Variants in NEGR1 observed in about 807,000 individuals in gnomAD.
The protein encoded by NEGR1 is IgLON family member 4.
In NEGR1, 10 loss-of-function variants were observed where a neutral mutation model predicts 40.9. The ratio of observed to expected loss-of-function variants is 0.24; its 90% confidence interval spans 0.15 to 0.42. The LOEUF (loss-of-function observed/expected upper bound fraction) is 0.42. Ranked by LOEUF, NEGR1 falls within the 10% of genes least tolerant of loss-of-function variation. The probability of loss-of-function intolerance (pLI) is 1.00; values close to 1 mark genes in which losing one functional copy is unlikely to be tolerated. For missense variants in NEGR1, 352 were observed against 438.9 expected (o/e 0.80, Z 1.77); for synonymous variants, 185 against 166.8 (o/e 1.11, Z -0.84).
At chr1:72,149,879 C>CAAAAAAAAAAAAAAAAAAAAAAAAAAA (rs1180110033) in intron 1 of NEGR1, among the ~76,000 whole-genome samples, 2 of 39,364 alleles carry the variant, frequency 5.1e-5, no homozygotes, top group Non-Finnish European at 1.0e-4. Flanking sequence ...AAAACTCTGT[C>CAAAAAAAAAAAAAAAAAAAAAAAAAAA]AAAAAAAAAA....
At chr1:71,557,091 C>G (rs888651091) in intron 6 of NEGR1, among the ~76,000 whole-genome samples, 4 of 151,616 alleles carry the variant, frequency 2.6e-5, no homozygotes, top group African/African-American at 9.7e-5. Flanking sequence ...CCCACTACAG[C>G]CACCCAAATA....
intron 1 of NEGR1, among the ~76,000 whole-genome samples, chr1:72,129,516 C>G (rs1157003592): frequency 1.3e-5 from 2 of 151,868 alleles, no homozygotes; most frequent in East Asian, 3.9e-4. Flanking sequence ...GAGAGTAGAA[C>G]AAAATATGAA....
intron 1 of NEGR1, among the ~76,000 whole-genome samples, chr1:72,066,664 T>G (rs1647280549): frequency 6.6e-6 from 1 of 152,098 alleles, no homozygotes; most frequent in African/African-American, 2.4e-5. Flanking sequence ...AAAGGCCCTG[T>G]GAGGACATAA....
At position 71,988,923 on chromosome 1, in the gene NEGR1, T is replaced by TAAAAAAAAAAAAAAAAAAAAAA. The variant is rs10604833; in HGVS notation, c.177-53634_177-53613dup. 2.9e-4 allele frequency among the ~76,000 whole-genome samples: 24 copies of TAAAAAAAAAAAAAAAAAAAAAA among 82,230 alleles called. 2 individuals are homozygous for TAAAAAAAAAAAAAAAAAAAAAA. The highest frequency in any genetic ancestry group is 1.4e-3 in the African/African-American group (24 of 17,436). The allele number at this position is 82,230 out of a possible 152,430, so 53.9% of individuals were successfully genotyped here. A position where few individuals can be genotyped will look rare whatever the true frequency, so the allele number is the denominator to read the frequency against. ...CAATGAGCTCTATCATATTGGATGTTAAAAAAAAAAAAAAAAAAAAAAAAA... is the reference window on the plus strand; with the variant it reads ...CAATGAGCTCTATCATATTGGATGTTAAAAAAAAAAAAAAAAAAAAAAAAAAAAAAAAAAAAAAAAAAAAAAA... On this transcript the variant is annotated intron_variant, in intron 1 of 6. Coordinates refer to ENST00000357731, the MANE Select transcript of NEGR1 (RefSeq NM_173808.3).
chr1:72,115,818 A>C (rs1386906701), intron 1 of NEGR1, among the ~76,000 whole-genome samples: 1 of 151,674 alleles, frequency 6.6e-6, no homozygotes, highest in Non-Finnish European at 1.5e-5. Context: ...TAAGTCTTTT[A>C]TCTTACCTCT....
At chr1:71,794,691 G>A (rs551937446) in intron 2 of NEGR1, among the ~76,000 whole-genome samples, 2 of 152,114 alleles carry the variant, frequency 1.3e-5, no homozygotes, top group East Asian at 3.9e-4. Context: ...TGGAAAAAGA[G>A]TAAGATGTAA....
intron 1 of NEGR1, among the ~76,000 whole-genome samples, chr1:71,940,297 T>A (rs1645947249): frequency 6.6e-6 from 1 of 152,206 alleles, no homozygotes; most frequent in Non-Finnish European, 1.5e-5. Context: ...TCCTTGATAG[T>A]GGTTTTTATC....
intron 2 of NEGR1, among the ~76,000 whole-genome samples, chr1:71,788,395 T>A (rs1277234283): frequency 6.6e-6 from 1 of 152,054 alleles, no homozygotes; most frequent in Admixed American, 6.6e-5. Flanking sequence ...CAAAAGTATA[T>A]AAATTATTGA....
chr1:72,193,607 T>TA (rs1652899909), intron 1 of NEGR1, among the ~76,000 whole-genome samples: 1 of 151,682 alleles, frequency 6.6e-6, no homozygotes, highest in African/African-American at 2.4e-5. Context: ...AAATATATTT[T>TA]AAGGCCACAG....
chr1:71,628,549 T>C (rs1650863395), intron 4 of NEGR1, among the ~76,000 whole-genome samples: 1 of 152,018 alleles, frequency 6.6e-6, no homozygotes, highest in African/African-American at 2.4e-5. Flanking sequence ...TTTCTCCTAA[T>C]GCTATCCCTC....
intron 1 of NEGR1, among the ~76,000 whole-genome samples, chr1:72,177,516 T>A (rs748614178): frequency 6.6e-6 from 1 of 152,092 alleles, no homozygotes; most frequent in Non-Finnish European, 1.5e-5. Flanking sequence ...TTTTGAATTA[T>A]CTTCTTTTTA....
At position 72,194,225 on chromosome 1, in the gene NEGR1, A is replaced by G. The variant is rs549905366; in HGVS notation, c.176+88094T>C. 1.2e-4 allele frequency among the ~76,000 whole-genome samples: 19 copies of G among 152,002 alleles called. No individual in the cohort carries two copies. The South Asian group carries it at 3.3e-3, about 27-fold the overall frequency. ...GAAAACAGTGACCCTGATAATATAT[A>G]TTATATAATATCTCTCTCAGAATGA... On this transcript the variant is annotated intron_variant, in intron 1 of 6. Coordinates refer to ENST00000357731, the MANE Select transcript of NEGR1 (RefSeq NM_173808.3).
At chr1:72,094,770 T>C (rs753782507) in intron 1 of NEGR1, among the ~76,000 whole-genome samples, 5 of 152,204 alleles carry the variant, frequency 3.3e-5, no homozygotes, top group Non-Finnish European at 7.3e-5. Flanking sequence ...CTTTTGCCTC[T>C]GTAGATCTCA....
chr1:72,037,387 T>C (rs1050467139), intron 1 of NEGR1, among the ~76,000 whole-genome samples: 1 of 152,170 alleles, frequency 6.6e-6, no homozygotes, highest in Non-Finnish European at 1.5e-5. Context: ...AAGTCAATAT[T>C]ATTGTTATTC....
Position 71,711,207 on chromosome 1 carries a change from C to T in NEGR1, c.536-13068G>A, listed in dbSNP as rs187209405. ...AAAAATACAAAAAATTAGCCAGGTG[C>T]GGTGCCAGGCGCCTGCAGTCCCAGC... On this transcript the variant is annotated intron_variant, in intron 3 of 6. Transcript: ENST00000357731. 9.6e-3 allele frequency among the ~76,000 whole-genome samples: 1,450 copies of T among 150,342 alleles called. 18 individuals carry two copies. The highest frequency in any genetic ancestry group is 0.024 in the Admixed American group (370 of 15,172).
chr1:71,958,981 C>G (rs891428935), intron 1 of NEGR1, among the ~76,000 whole-genome samples: 5 of 151,022 alleles, frequency 3.3e-5, no homozygotes, highest in Admixed American at 6.6e-5. Flanking sequence ...CACCAAACTT[C>G]TCAATCTTAA....
chr1:71,943,943 A>G (rs1044356429), intron 1 of NEGR1, among the ~76,000 whole-genome samples: 4 of 152,218 alleles, frequency 2.6e-5, no homozygotes, highest in Non-Finnish European at 2.9e-5. Flanking sequence ...TAAAAGTCCT[A>G]AAAAAGAAAA....
At chr1:72,226,882 G>C (rs568936484) in intron 1 of NEGR1, among the ~76,000 whole-genome samples, 1 of 152,120 alleles carries the variant, frequency 6.6e-6, no homozygotes, top group South Asian at 2.1e-4. Flanking sequence ...TAAGAAATGT[G>C]ATAGTTCAAT....
intron 1 of NEGR1, among the ~76,000 whole-genome samples, chr1:72,203,044 C>T (rs1199245103): frequency 2.0e-5 from 3 of 151,970 alleles, no homozygotes; most frequent in Non-Finnish European, 4.4e-5. Flanking sequence ...TGGAGATGTA[C>T]AAAGAGATTA....
Sources: gnomAD v4.1 joint callset for allele counts (sites outside exome capture counted in the v4.1 genomes callset) on GRCh38, gnomAD v4.1.1 for gene constraint, MANE v1.5 for transcripts, NCBI Gene and HGNC (gene_info 2026-07-23, HGNC 2026-07-21) for gene names.